MUC5B: variants seen among roughly 807,000 people sequenced by gnomAD.
MUC5B encodes the protein mucin-5B.
Under a neutral mutation model 376.9 loss-of-function variants are expected in MUC5B, and 116 were observed. The observed-to-expected ratio is 0.31, with a 90% CI of 0.26 to 0.36. MUC5B has a LOEUF of 0.36. Among genes scored for constraint, MUC5B ranks in the 10% least tolerant of loss-of-function variants. The pLI is 1.00. For missense variants in MUC5B, 7,165 were observed against 7,769.9 expected (o/e 0.92, Z 2.93); for synonymous variants, 3,517 against 3,390.9 (o/e 1.04, Z -1.29).
Position 1,236,412 on chromosome 11 carries a change from G to A in MUC5B, c.2907G>A (p.Gly969=). ...VESYELILQE[G]TFKAVARGPG... ...GCTACGAGCTGATCCTCCAAGAGGG[G>A]ACCTTTAAGGCGGTGGCGAGAGGGC... The change falls in exon 24 of 49, where the codon GGG becomes GGA. Residue 969 remains glycine (G), a synonymous_variant. Coordinates refer to ENST00000529681, the MANE Select transcript of MUC5B (RefSeq NM_002458.3). 6.2e-7 allele frequency: 1 copy of A among 1,611,952 alleles called. No homozygotes were observed.
In MUC5B at chr11:1,225,584, C is replaced by A. The variant is rs878982090; in HGVS notation, c.71-97C>A. On this transcript the variant is annotated intron_variant, in intron 1 of 48. Transcript: ENST00000529681. ...AGACCGCCACCAAGGACCCCACATG[C>A]GGCTGCCGCACCAGGGATGTGGCCA... 3.6e-6 allele frequency: 4 copies of A among 1,126,342 alleles called. No homozygotes were observed. In the East Asian group the frequency reaches 1.1e-4, roughly 30 times the overall value. The allele number at this position is 1,126,342 out of a possible 1,614,324, so 69.8% of individuals were successfully genotyped here. A position where few individuals can be genotyped will look rare whatever the true frequency, so the allele number is the denominator to read the frequency against.
At chr11:1,256,457 C>A in intron 38 of MUC5B, 1 of 554,060 alleles carries the variant, frequency 1.8e-6, no homozygotes, top group South Asian at 2.1e-5. Context: ...CTGGCCCCGC[C>A]ACCGAGCCCC....
rs746032876 is a variant in MUC5B at position 1,229,795 on chromosome 11, C to T, written c.1208C>T (p.Thr403Ile). ...TYSPGTSFNT[T>I]CSSCTCSGGL... is the part of the protein sequence containing the mutation. ...AGCCCGGGCACCTCCTTCAACACCA[C>T]CTGCAGCTCCTGGTACTTATGAGCC... The change falls in exon 10 of 49, where the codon ACC becomes ATC. Residue 403 changes from threonine to isoleucine, a missense_variant. By Grantham distance (89) the Thr-to-Ile change is moderately conservative. This residue lies in a region of MUC5B where 640 missense variants were observed against 733.0 expected (regional missense o/e 0.87). Coordinates refer to ENST00000529681, the MANE Select transcript of MUC5B (RefSeq NM_002458.3). 2.7e-5 allele frequency: 43 copies of T among 1,599,220 alleles called. No individual in the cohort carries two copies. Among genetic ancestry groups the T allele is most frequent in the Admixed American group, 2.6e-4 (15 of 58,202 alleles).
Position 1,255,273 on chromosome 11 carries a change from C to T in MUC5B, c.15890+7C>T. The T allele has an allele frequency of 6.6e-7, 1 of 1,504,728 alleles. No individual in the cohort carries two copies. The highest frequency in any genetic ancestry group is 8.9e-7 in the Non-Finnish European group (1 of 1,119,452). The allele number at this position is 1,504,728 out of a possible 1,614,324, so 93.2% of individuals were successfully genotyped here. Reference sequence around the variant, plus strand: ...GTGATCTGATGCTGAGCCAGTGAGTCCTCCCCTCGGGGGTTGCAGGCCCTG... The same window carrying T: ...GTGATCTGATGCTGAGCCAGTGAGTTCTCCCCTCGGGGGTTGCAGGCCCTG... On this transcript the variant is annotated splice_region_variant and intron_variant, in intron 36 of 48. Coordinates refer to ENST00000529681, the MANE Select transcript of MUC5B (RefSeq NM_002458.3).
chr11:1,259,214 C>T (rs1590193837), intron 44 of MUC5B, among the ~76,000 whole-genome samples, 153 bp downstream of exon 44: 1 of 146,908 alleles, frequency 6.8e-6, no homozygotes, highest in South Asian at 2.2e-4. Context: ...GAGGCACTTG[C>T]CCCCAAGTGA....
chr11:1,258,377 C>G lies in MUC5B; in HGVS notation c.16593+10C>G, dbSNP rs778689746. The G allele has an allele frequency of 1.2e-6, 2 of 1,611,710 alleles. No homozygotes were observed. The highest frequency in any genetic ancestry group is 2.7e-5 in the African/African-American group (2 of 74,912). On this transcript the variant is annotated intron_variant, in intron 43 of 48. Coordinates refer to ENST00000529681, the MANE Select transcript of MUC5B (RefSeq NM_002458.3). The surrounding 1 kb of genome is among the most constrained non-coding windows in gnomAD (Gnocchi z 5.5). ...TGGCACCTTCTACGGGGTAAGGGCA[C>G]AGCAGTGGGTGGGTGTGGCCCTGGG... is the stretch of plus-strand genomic sequence containing the variant.
In MUC5B at chr11:1,248,135, A is replaced by C. The variant is rs542214935; in HGVS notation, c.11255A>C (p.His3752Pro). Residue 3752 changes from histidine to proline, a missense_variant, in exon 31 of 49, where the codon CAT becomes CCT. Around this residue, in one of 31 missense-constraint regions of MUC5B, gnomAD observed 72 missense variants for 127.8 expected, o/e 0.56. Coordinates refer to ENST00000529681, the MANE Select transcript of MUC5B (RefSeq NM_002458.3). ...ACCCAGGCAACTGCTGGCACCCCAC[A>C]TGTGAGCACCACGGCCACGACACCC... is the stretch of plus-strand genomic sequence containing the variant. ...SSTQATAGTP[H>P]VSTTATTPTV... 2.1e-5 allele frequency: 34 copies of C among 1,594,130 alleles called. No homozygotes were observed. The African/African-American group carries it at 4.2e-4, about 19-fold the overall frequency.
Position 1,249,393 on chromosome 11 carries a change from C to T in MUC5B, c.12513C>T (p.Gly4171=), listed in dbSNP as rs1399436249. Residue 4171 remains glycine (G), a synonymous_variant, in exon 31 of 49, where the codon GGC becomes GGT. Coordinates refer to ENST00000529681, the MANE Select transcript of MUC5B (RefSeq NM_002458.3). The part of the protein sequence containing the change: ...AGGAVCEQPL[G]LECRAQAQPG... ...GGGCCGTCTGTGAGCAGCCCCTGGG[C>T]CTCGAGTGCCGTGCCCAGGCCCAGC... 1.2e-6 allele frequency: 2 copies of T among 1,611,218 alleles called. No homozygotes were observed. The highest frequency in any genetic ancestry group is 1.7e-6 in the Non-Finnish European group (2 of 1,179,612).
rs772940563 is a variant in MUC5B, at chr11:1,247,514, C to G, written c.10634C>G (p.Pro3545Arg). ...GTSRTTATATPSKTRTSTLLP... is the reference protein window; with the variant it reads ...GTSRTTATATRSKTRTSTLLP... ...TCCAGGACCACAGCCACAGCCACAC[C>G]CAGCAAGACCCGCACCTCGACCCTG... Residue 3545 changes from proline to arginine, a missense_variant, in exon 31 of 49, where the codon CCC becomes CGC. Physicochemically the swap from Pro to Arg is moderately radical, Grantham distance 103. Coordinates refer to ENST00000529681, the MANE Select transcript of MUC5B (RefSeq NM_002458.3). The G allele has an allele frequency of 6.2e-7, 1 of 1,609,228 alleles. No individual in the cohort carries two copies. Among genetic ancestry groups the G allele is most frequent in the Non-Finnish European group, 8.5e-7 (1 of 1,178,072 alleles).
At chr11:1,235,978 AG>A (rs1218013740) in intron 23 of MUC5B, among the ~76,000 whole-genome samples, 1 of 152,330 alleles carries the variant, frequency 6.6e-6, no homozygotes, top group South Asian at 2.1e-4. Flanking sequence ...ACTCCAGCAA[AG>A]GGGGGCCAGA....
In MUC5B at chr11:1,247,183, C is replaced by A; in HGVS notation, c.10303C>A (p.Pro3435Thr). Residue 3435 changes from proline (P) to threonine (T), a missense_variant, in exon 31 of 49, where the codon CCC (proline) becomes ACC (threonine). By Grantham distance (38) the Pro-to-Thr change is conservative. Around this residue, in one of 31 missense-constraint regions of MUC5B, gnomAD observed 939 missense variants for 770.6 expected, o/e 1.22. Coordinates refer to ENST00000529681, the MANE Select transcript of MUC5B (RefSeq NM_002458.3). ...TPAATSSTVT[P>T]SSALGTTHTP... is the part of the protein sequence containing the mutation. ...TGCAGCCACCAGCAGCACAGTGACT[C>A]CCTCCTCTGCCCTAGGGACCACCCA... 8 of 1,587,980 alleles carry A rather than the reference C, an allele frequency of 5.0e-6. 2 individuals carry two copies. Among genetic ancestry groups the A allele is most frequent in the Non-Finnish European group, 6.9e-6 (8 of 1,166,590 alleles).
Position 1,249,982 on chromosome 11 carries a change from A to T in MUC5B, c.13102A>T (p.Thr4368Ser). 6.2e-7 allele frequency: 1 copy of T among 1,609,006 alleles called. No homozygotes were observed. ...ETTHTSTVLT[T>S]KATTTRATSS... is the part of the protein sequence containing the mutation. ...CACCCACACCTCCACAGTGCTGACCACGAAGGCCACCACGACAAGGGCCAC... is the reference window on the plus strand; with the variant it reads ...CACCCACACCTCCACAGTGCTGACCTCGAAGGCCACCACGACAAGGGCCAC... The change falls in exon 31 of 49, where the codon ACG (threonine) becomes TCG (serine). Residue 4368 changes from threonine (T) to serine (S), a missense_variant. This residue lies in a region of MUC5B where 431 missense variants were observed against 390.4 expected (regional missense o/e 1.10). Transcript: ENST00000529681.
rs993476742 is a variant in MUC5B at position 1,254,430 on chromosome 11, C to T, written c.15477+79C>T. The T allele has an allele frequency of 2.5e-5, 39 of 1,550,818 alleles. No individual in the cohort carries two copies. In the African/African-American group the frequency reaches 4.7e-4, roughly 19 times the overall value. Reference sequence around the variant, plus strand: ...GCAGGCCGACTGCAGGCCGGGGTGACCCAGGTGCCGCAGCGATGGCCCAGT... The same window carrying T: ...GCAGGCCGACTGCAGGCCGGGGTGATCCAGGTGCCGCAGCGATGGCCCAGT... On this transcript the variant is annotated intron_variant, in intron 34 of 48. Transcript: ENST00000529681.
At chr11:1,236,662 TG>T in intron 24 of MUC5B, 100 bp downstream of exon 24, 2 of 1,298,224 alleles carry the variant, frequency 1.5e-6, no homozygotes, top group Non-Finnish European at 2.1e-6. Flanking sequence ...GACCCGTGGG[TG>T]CGTGAGCCTG....
At position 1,243,745 on chromosome 11, in the gene MUC5B, A is replaced by T. The variant is rs778542407; in HGVS notation, c.6865A>T (p.Ser2289Cys). The T allele has an allele frequency of 1.5e-5, 24 of 1,611,350 alleles. No individual in the cohort carries two copies. In the Middle Eastern group the frequency reaches 8.9e-4, roughly 60 times the overall value. The change falls in exon 31 of 49, where the codon AGC (serine) becomes TGC (cysteine). Residue 2289 changes from serine to cysteine, a missense_variant. Around this residue, in one of 31 missense-constraint regions of MUC5B, gnomAD observed 79 missense variants for 63.0 expected, o/e 1.25. Coordinates refer to ENST00000529681, the MANE Select transcript of MUC5B (RefSeq NM_002458.3). ...CAGGACCACAGCCACGGCCACACCC[A>T]GCAAGACCCGCACCTCGACCCTGCT... is the stretch of plus-strand genomic sequence containing the variant. ...TSRTTATATP[S>C]KTRTSTLLPS... is the part of the protein sequence containing the mutation.
intron 4 of MUC5B, 35 bp from the exon 5 acceptor site, chr11:1,226,996 G>A (rs765140465): frequency 6.3e-7 from 1 of 1,588,822 alleles, no homozygotes; most frequent in East Asian, 2.3e-5. Flanking sequence ...AGCCAGGAGA[G>A]CGGGGCCCAG....
chr11:1,225,364 G>A (rs1861855870), intron 1 of MUC5B, among the ~76,000 whole-genome samples: 1 of 152,244 alleles, frequency 6.6e-6, no homozygotes, highest in Non-Finnish European at 1.5e-5. Context: ...ATCCCCGCCT[G>A]TCAGTCGGGG....
Position 1,255,411 on chromosome 11 carries a change from C to G in MUC5B, c.15919C>G (p.Pro5307Ala), listed in dbSNP as rs771117059. The G allele has an allele frequency of 6.2e-7, 1 of 1,602,796 alleles. No homozygotes were observed. The highest frequency in any genetic ancestry group is 1.1e-5 in the South Asian group (1 of 89,412). Residue 5307 changes from proline (P) to alanine (A), a missense_variant, in exon 37 of 49, where the codon CCC (proline) becomes GCC (alanine). Physicochemically the swap from Pro to Ala is conservative, Grantham distance 27 (BLOSUM62 -1). Transcript: ENST00000529681. Reference sequence around the variant, plus strand: ...CTTTGCTGAGTGCCACAACCTTGTGCCCCCGGGCCCATTCTTCAACGCCTG... The same window carrying G: ...CTTTGCTGAGTGCCACAACCTTGTGGCCCCGGGCCCATTCTTCAACGCCTG... ...QVFAECHNLV[P>A]PGPFFNACIS...
chr11:1,227,889 T>C lies in MUC5B; in HGVS notation c.774+108T>C. 9.7e-6 allele frequency: 6 copies of C among 620,108 alleles called. 1 individual carries two copies. The highest frequency in any genetic ancestry group is 9.2e-5 in the South Asian group (5 of 54,494). 38.4% of individuals were successfully genotyped at this position (620,108 alleles called of 1,614,324 possible). On this transcript the variant is annotated intron_variant, in intron 7 of 48. Coordinates refer to ENST00000529681, the MANE Select transcript of MUC5B (RefSeq NM_002458.3). ...CCCAGCTGGTGGAGAGATGGTGCCA[T>C]TGGAGGGAGGCCGGGCAGCCACCCT...
Sources: gnomAD v4.1 joint callset for allele counts (sites outside exome capture counted in the v4.1 genomes callset) on GRCh38, gnomAD v4.1.1 for gene constraint, gnomAD v4.1.1 regional missense constraint, Gnocchi (gnomAD v3.1) non-coding constraint, MANE v1.5 for transcripts, NCBI Gene and HGNC (gene_info 2026-07-23, HGNC 2026-07-21) for gene names.